Variants in ATP9A observed in about 807,000 individuals in gnomAD.
The protein encoded by ATP9A is probable phospholipid-transporting ATPase IIA.
A neutral mutation model predicts 144.1 loss-of-function variants in ATP9A; 52 were observed. That is an observed-to-expected ratio of 0.36 (90% CI 0.29 to 0.45). The LOEUF (loss-of-function observed/expected upper bound fraction) is 0.45. ATP9A is among the 20% of genes least tolerant of loss of function. ATP9A has a pLI of 1.00. For missense variants in ATP9A, 947 were observed against 1,392.7 expected (o/e 0.68, Z 5.09); for synonymous variants, 582 against 557.4 (o/e 1.04, Z -0.62).
Position 51,720,413 on chromosome 20 carries a change from T to C in ATP9A, c.327+5406A>G, listed in dbSNP as rs1181694124. The stretch of plus-strand genomic sequence containing the variant: ...ATAAAACTATAGAGTTTGTAACTCT[T>C]GGGTCTGGCAACTCCTGGTCCCTGT... On this transcript the variant is annotated intron_variant, in intron 3 of 27. Coordinates refer to ENST00000338821, the MANE Select transcript of ATP9A (RefSeq NM_006045.3). Among the ~76,000 whole-genome samples, 3 of 152,204 alleles carry C rather than the reference T, an allele frequency of 2.0e-5. No homozygotes were observed. In the South Asian group the frequency reaches 6.2e-4, roughly 32 times the overall value.
intron 15 of ATP9A, among the ~76,000 whole-genome samples, chr20:51,631,365 G>A (rs1270347805): frequency 6.6e-6 from 1 of 152,168 alleles, no homozygotes; most frequent in Non-Finnish European, 1.5e-5. Context: ...AAAGAGAGCT[G>A]TGGGGTCTGC....
intron 13 of ATP9A, among the ~76,000 whole-genome samples, chr20:51,665,094 C>T (rs947369759): frequency 1.6e-4 from 11 of 66,990 alleles, no homozygotes; most frequent in African/African-American, 4.1e-4. Flanking sequence ...GTACATACAC[C>T]TGCTACAACC....
At chr20:51,718,556 A>G (rs1188514394) in intron 3 of ATP9A, among the ~76,000 whole-genome samples, 1 of 151,842 alleles carries the variant, frequency 6.6e-6, no homozygotes, top group Non-Finnish European at 1.5e-5. Flanking sequence ...GAGCGCTCAC[A>G]CCTGTAATCC....
intron 15 of ATP9A, among the ~76,000 whole-genome samples, chr20:51,638,118 T>TCTC (rs2077302684): frequency 9.1e-6 from 1 of 109,756 alleles, no homozygotes. Context: ...TATATATATA[T>TCTC]ATATATCTCA....
intron 19 of ATP9A, among the ~76,000 whole-genome samples, chr20:51,619,924 T>C (rs2077219701): frequency 6.6e-6 from 1 of 150,778 alleles, no homozygotes; most frequent in Non-Finnish European, 1.5e-5. Context: ...TGTTGGATGA[T>C]GCATTCGGTG....
intron 10 of ATP9A, 90 bp downstream of exon 10, chr20:51,676,042 T>C: frequency 1.1e-6 from 1 of 943,084 alleles, no homozygotes; most frequent in Non-Finnish European, 1.7e-6. Flanking sequence ...AATATCACTC[T>C]TAGGTGTTCC....
intron 24 of ATP9A, 110 bp from the exon 25 acceptor site, chr20:51,608,736 G>C (rs2077173553): frequency 1.4e-6 from 1 of 728,212 alleles, no homozygotes; most frequent in South Asian, 1.6e-5. Flanking sequence ...AATATTTACT[G>C]CTTGTCTATT....
intron 27 of ATP9A, among the ~76,000 whole-genome samples, chr20:51,601,749 TAC>T (rs1448911745): frequency 2.0e-5 from 3 of 151,108 alleles, no homozygotes; most frequent in Non-Finnish European, 4.4e-5. Flanking sequence ...CTACAAAAAA[TAC>T]AAAAACTAGC....
chr20:51,762,726 T>C (rs960695494), intron 1 of ATP9A, among the ~76,000 whole-genome samples: 2 of 145,026 alleles, frequency 1.4e-5, no homozygotes, highest in African/African-American at 5.0e-5. Flanking sequence ...TTTTTTTTTT[T>C]TGAGACAGGG....
At chr20:51,629,914 G>A (rs370873302) in intron 15 of ATP9A, among the ~76,000 whole-genome samples, 33 of 152,214 alleles carry the variant, frequency 2.2e-4, no homozygotes, top group Non-Finnish European at 3.8e-4. Flanking sequence ...CCCCTCAGTG[G>A]TATAACTGCT....
At chr20:51,743,742 G>GT (rs1555844544) in intron 1 of ATP9A, among the ~76,000 whole-genome samples, 1 of 147,720 alleles carries the variant, frequency 6.8e-6, no homozygotes, top group African/African-American at 2.5e-5. Flanking sequence ...GGGCACGGTC[G>GT]TCACGCCTAT....
chr20:51,706,826 T>C (rs940221110), intron 4 of ATP9A, among the ~76,000 whole-genome samples: 7 of 152,186 alleles, frequency 4.6e-5, no homozygotes, highest in Admixed American at 4.6e-4. Flanking sequence ...TAGCCTTTCT[T>C]CATTTTTTCT....
At position 51,610,282 on chromosome 20, in the gene ATP9A, A is replaced by G; in HGVS notation, c.2572-117T>C. ...ACCCGCGCCGGCACTGCTGTAAGGTACTTTACATGGATTTGCTCATTTCAT... is the reference window on the plus strand; with the variant it reads ...ACCCGCGCCGGCACTGCTGTAAGGTGCTTTACATGGATTTGCTCATTTCAT... On this transcript the variant is annotated intron_variant, in intron 23 of 27. Coordinates refer to ENST00000338821, the MANE Select transcript of ATP9A (RefSeq NM_006045.3). 4 of 735,218 alleles carry G rather than the reference A, an allele frequency of 5.4e-6. No individual in the cohort carries two copies. The South Asian group carries it at 6.9e-5, about 13-fold the overall frequency. 45.5% of individuals were successfully genotyped at this position (735,218 alleles called of 1,614,324 possible). A position where few individuals can be genotyped will look rare whatever the true frequency, so the allele number is the denominator to read the frequency against.
At chr20:51,621,104 A>C (rs1173199130) in intron 19 of ATP9A, among the ~76,000 whole-genome samples, 16 of 148,654 alleles carry the variant, frequency 1.1e-4, no homozygotes, top group African/African-American at 4.0e-4. Context: ...CCAAGATTGC[A>C]CCACTGCACC....
chr20:51,642,752 A>C (rs1369549471), intron 14 of ATP9A, among the ~76,000 whole-genome samples: 3 of 133,084 alleles, frequency 2.3e-5, no homozygotes, highest in Admixed American at 7.9e-5. Flanking sequence ...AAAAAAAAAA[A>C]AAAAAAAAAA....
chr20:51,718,685 CA>C (rs2077673538), intron 3 of ATP9A, among the ~76,000 whole-genome samples: 2 of 150,158 alleles, frequency 1.3e-5, no homozygotes, highest in African/African-American at 4.9e-5. Flanking sequence ...TGTGGTGGCC[CA>C]CATCTGTAAT....
intron 15 of ATP9A, among the ~76,000 whole-genome samples, chr20:51,630,159 T>C (rs967188546): frequency 2.6e-5 from 4 of 152,146 alleles, no homozygotes; most frequent in African/African-American, 9.7e-5. Context: ...CACCAGGAAC[T>C]CCTCCAGCCC....
chr20:51,678,610 AG>A (rs2077487147), intron 9 of ATP9A, among the ~76,000 whole-genome samples: 1 of 152,156 alleles, frequency 6.6e-6, no homozygotes, highest in African/African-American at 2.4e-5. Flanking sequence ...CCCTCCCTTC[AG>A]GCCCCTGTCA....
rs938497171 is a variant in ATP9A, at chr20:51,622,294, A to G, written c.2017-122T>C. On this transcript the variant is annotated intron_variant, in intron 18 of 27. Coordinates refer to ENST00000338821, the MANE Select transcript of ATP9A (RefSeq NM_006045.3). ...GGTATGTTCCGTTTACCTCCTGCCG[A>G]CTCATGCTGTCCCCAACACAACACA... The G allele has an allele frequency of 1.5e-5, 11 of 751,324 alleles. No individual in the cohort carries two copies. The African/African-American group carries it at 1.6e-4, about 11-fold the overall frequency. 46.5% of individuals were successfully genotyped at this position (751,324 alleles called of 1,614,324 possible).
Sources: allele counts gnomAD v4.1 joint callset (sites outside exome capture counted in the v4.1 genomes callset), GRCh38; gene constraint gnomAD v4.1.1; transcripts MANE v1.5; gene names NCBI Gene and HGNC (gene_info 2026-07-23, HGNC 2026-07-21).